The following MAK variants were observed in gnomAD, a reference collection of about 807,000 sequenced individuals.
MAK encodes the protein serine/threonine-protein kinase MAK.
MAK carries 65 observed loss-of-function variants against 82.6 expected under a neutral mutation model. That is an observed-to-expected ratio of 0.79 (90% confidence interval 0.64 to 0.97). MAK has a LOEUF of 0.97. Among genes scored for constraint, MAK ranks in the 50% least tolerant of loss-of-function variants. The probability of loss-of-function intolerance (pLI) is 0.00; values close to 1 mark genes in which losing one functional copy is unlikely to be tolerated. For synonymous variants in MAK, 250 were observed against 274.2 expected (o/e 0.91, Z 0.87); for missense variants, 703 against 780.2 (o/e 0.90, Z 1.18).
chr6:10,796,391 G>A (rs1775567069), intron 8 of MAK, 82 bp from the exon 9 acceptor site: 7 of 1,179,156 alleles, frequency 5.9e-6, no homozygotes, highest in African/African-American at 1.5e-5. Flanking sequence ...GGCCCTGTGC[G>A]AGGCATTTAT....
intron 5 of MAK, 23 bp from the exon 6 acceptor site, chr6:10,808,965 A>C (rs1275615006): frequency 1.3e-6 from 2 of 1,591,622 alleles, no homozygotes; most frequent in Non-Finnish European, 1.7e-6. Context: ...CGGAGAAAAA[A>C]AAATACAGTA....
At chr6:10,783,960 A>C (rs560054333) in intron 11 of MAK, among the ~76,000 whole-genome samples, 24 of 152,302 alleles carry the variant, frequency 1.6e-4, no homozygotes, top group Admixed American at 3.9e-4. Flanking sequence ...TGGAGGTTGC[A>C]GTGAGCCGAG....
intron 5 of MAK, among the ~76,000 whole-genome samples, chr6:10,811,755 T>G (rs1028107045): frequency 4.6e-5 from 7 of 151,654 alleles, no homozygotes; most frequent in African/African-American, 1.2e-4. Flanking sequence ...AAATAAAAAG[T>G]TTTTTTTTAA....
At chr6:10,789,000 GTT>G (rs977183066) in intron 10 of MAK, among the ~76,000 whole-genome samples, 3 of 151,904 alleles carry the variant, frequency 2.0e-5, no homozygotes, top group African/African-American at 7.3e-5. Flanking sequence ...GATAAAATAA[GTT>G]TTAACTACCT....
intron 11 of MAK, among the ~76,000 whole-genome samples, chr6:10,779,127 C>CAAAAAAAA (rs918122203): frequency 5.0e-5 from 1 of 20,004 alleles, no homozygotes; most frequent in African/African-American, 1.6e-4. Context: ...CACTTCGTCT[C>CAAAAAAAA]AAAAAAAAAA....
intron 11 of MAK, chr6:10,779,292 C>A: frequency 2.1e-6 from 2 of 967,046 alleles, no homozygotes; most frequent in Non-Finnish European, 2.5e-6. Flanking sequence ...GTATTTGCAA[C>A]TATCTTGTGA....
chr6:10,837,852 A>T (rs970430023), intron 1 of MAK, among the ~76,000 whole-genome samples: 2 of 151,942 alleles, frequency 1.3e-5, no homozygotes, highest in South Asian at 4.2e-4. Flanking sequence ...GGGCTCTTAA[A>T]AGGCTCCAGG....
Position 10,775,403 on chromosome 6 carries a change from T to C in MAK, c.1522A>G (p.Thr508Ala). 6.2e-7 allele frequency: 1 copy of C among 1,614,000 alleles called. No homozygotes were observed. Among genetic ancestry groups the C allele is most frequent in the Non-Finnish European group, 8.5e-7 (1 of 1,179,896 alleles). Residue 508 changes from threonine to alanine, a missense_variant, in exon 12 of 15, where the codon ACT becomes GCT. Transcript: ENST00000354489. ...IASGKEINPH[T>A]WSNQLFPKSL... ...TTGGGGAATAACTGGTTGCTCCAAGTGTGGGGGTTTATTTCCTTTCCACTG... is the reference window on the plus strand; with the variant it reads ...TTGGGGAATAACTGGTTGCTCCAAGCGTGGGGGTTTATTTCCTTTCCACTG...
At chr6:10,808,356 G>T in intron 6 of MAK, among the ~76,000 whole-genome samples, 1 of 152,186 alleles carries the variant, frequency 6.6e-6, no homozygotes, top group East Asian at 1.9e-4. Context: ...AGTATACGAT[G>T]CTACTGTTCA....
intron 1 of MAK, among the ~76,000 whole-genome samples, chr6:10,836,014 G>A (rs1302606299): frequency 1.3e-5 from 2 of 152,210 alleles, no homozygotes; most frequent in Non-Finnish European, 2.9e-5. Flanking sequence ...CTCTTTGCGA[G>A]TGGCTATTTT....
Position 10,775,461 on chromosome 6 carries a change from T to C in MAK, c.1466-2A>G, listed in dbSNP as rs759932426. The C allele has an allele frequency of 2.5e-6, 4 of 1,612,678 alleles. No homozygotes were observed. Among genetic ancestry groups the C allele is most frequent in the South Asian group, 1.1e-5 (1 of 91,032 alleles). ...AGGACACCTTCTTGGGATTCACACC[T>C]GAGAAGAACAAAACAACCACTTCAA... is the stretch of plus-strand genomic sequence containing the variant. On this transcript the variant is annotated splice_acceptor_variant, in intron 11 of 14. Transcript: ENST00000354489. LOFTEE classifies it high-confidence loss of function.
At chr6:10,813,134 AAATTTT>A (rs1561987645) in intron 5 of MAK, among the ~76,000 whole-genome samples, 8 of 726 alleles carry the variant, frequency 0.011, no homozygotes, top group African/African-American at 0.018. Context: ...ATATATATAT[AAATTTT>A]TTTTTTTTTT....
At chr6:10,767,063 C>T (rs955666349) in intron 14 of MAK, among the ~76,000 whole-genome samples, 1 of 152,136 alleles carries the variant, frequency 6.6e-6, no homozygotes, top group African/African-American at 2.4e-5. Flanking sequence ...GCTTTTGTGC[C>T]TTAGTGGGAC....
rs1775916504 is a variant in MAK, at chr6:10,800,294, G to GTATTTTTC, written c.831+1590_831+1597dup. 6.6e-6 allele frequency among the ~76,000 whole-genome samples: 1 copy of GTATTTTTC among 151,630 alleles called. No individual in the cohort carries two copies. The highest frequency in any genetic ancestry group is 1.9e-4 in the East Asian group (1 of 5,174). ...AAAGAAAATACACATACACATTTCA[G>GTATTTTTC]TATTTTTCTTGTGTTTCTGTAGGAG... On this transcript the variant is annotated intron_variant, in intron 8 of 14. Transcript: ENST00000354489. The surrounding 1 kb of genome is among the most constrained non-coding windows in gnomAD (Gnocchi z 4.2).
chr6:10,833,655 A>G (rs1778971658), intron 1 of MAK, among the ~76,000 whole-genome samples: 1 of 151,228 alleles, frequency 6.6e-6, no homozygotes, highest in South Asian at 2.1e-4. Context: ...GTACGTATTT[A>G]ACATTTATCT....
chr6:10,818,838 AG>A (rs1470213228), intron 3 of MAK, 47 bp downstream of exon 3: 1 of 951,756 alleles, frequency 1.1e-6, no homozygotes, highest in African/African-American at 1.6e-5. Flanking sequence ...TACGGTCCTC[AG>A]GTAGTGTTAA....
At chr6:10,780,926 G>C (rs1488782118) in intron 11 of MAK, among the ~76,000 whole-genome samples, 1 of 151,828 alleles carries the variant, frequency 6.6e-6, no homozygotes, top group Non-Finnish European at 1.5e-5. Context: ...TTACACACAG[G>C]TGTCTAAAGA....
intron 10 of MAK, among the ~76,000 whole-genome samples, chr6:10,787,786 A>G (rs1033874500): frequency 6.6e-6 from 1 of 150,998 alleles, no homozygotes; most frequent in Non-Finnish European, 1.5e-5. Flanking sequence ...GCGTGAACCC[A>G]GGAGGCGGAG....
In MAK at chr6:10,764,168, A is replaced by G. The variant is rs542247606; in HGVS notation, c.*284T>C. 8.8e-6 allele frequency: 3 copies of G among 342,740 alleles called. No homozygotes were observed. The South Asian group carries it at 1.4e-4, about 16-fold the overall frequency. The allele number at this position is 342,740 out of a possible 1,614,324, so 21.2% of individuals were successfully genotyped here. A position where few individuals can be genotyped will look rare whatever the true frequency, so the allele number is the denominator to read the frequency against. On this transcript the variant is annotated 3_prime_UTR_variant, in exon 15 of 15. Transcript: ENST00000354489. Reference sequence around the variant, plus strand: ...TTTTTTAAGGGTTCTTATTGGATTTACTATTTATTAAATTGTAGATCAAAT... The same window carrying G: ...TTTTTTAAGGGTTCTTATTGGATTTGCTATTTATTAAATTGTAGATCAAAT...
Sources: allele counts gnomAD v4.1 joint callset (sites outside exome capture counted in the v4.1 genomes callset), GRCh38; gene constraint gnomAD v4.1.1; non-coding constraint Gnocchi (gnomAD v3.1); transcripts MANE v1.5; gene names NCBI Gene and HGNC (gene_info 2026-07-23, HGNC 2026-07-21).